MCOLN2: variants seen among roughly 807,000 people sequenced by gnomAD.
The protein encoded by MCOLN2 is mucolipin TRP cation channel 2.
MCOLN2 carries 57 observed loss-of-function variants against 67.5 expected under a neutral mutation model. The ratio of observed to expected loss-of-function variants is 0.84; its 90% CI spans 0.68 to 1.05. The LOEUF (loss-of-function observed/expected upper bound fraction) is 1.05, where lower values mean the gene tolerates loss of function less well. MCOLN2 is among the 50% of genes least tolerant of loss of function. The probability of loss-of-function intolerance (pLI) is 0.00; values close to 1 mark genes in which losing one functional copy is unlikely to be tolerated. For missense variants in MCOLN2, 620 were observed against 678.8 expected (o/e 0.91, Z 0.96); for synonymous variants, 246 against 233.3 (o/e 1.05, Z -0.50).
intron 11 of MCOLN2, among the ~76,000 whole-genome samples, chr1:84,933,065 C>T (rs1647251814): frequency 6.6e-6 from 1 of 152,208 alleles, no homozygotes; most frequent in South Asian, 2.1e-4. Flanking sequence ...CCCATCCCTA[C>T]ATTTTTCCCT....
chr1:84,969,532 C>T (rs1649556570), intron 1 of MCOLN2, among the ~76,000 whole-genome samples: 1 of 148,584 alleles, frequency 6.7e-6, no homozygotes, highest in Non-Finnish European at 1.5e-5. Context: ...TATGGCACCA[C>T]TGCACTCCAG....
In MCOLN2 at chr1:84,997,106, C is replaced by T. The variant is rs1651200705; in HGVS notation, c.-234G>A. ...CAGTTCTCGGGCGGCTGAAAGGCGGCTCTGTGTGCACCCTGCAGGATGCGG... is the reference window on the plus strand; with the variant it reads ...CAGTTCTCGGGCGGCTGAAAGGCGGTTCTGTGTGCACCCTGCAGGATGCGG... On this transcript the variant is annotated 5_prime_UTR_variant, in exon 1 of 14. Transcript: ENST00000370608. 3 of 560,962 alleles carry T rather than the reference C, an allele frequency of 5.3e-6. No individual in the cohort carries two copies. Among genetic ancestry groups the T allele is most frequent in the South Asian group, 2.1e-5 (1 of 46,732 alleles). The allele number at this position is 560,962 out of a possible 1,614,324, so 34.7% of individuals were successfully genotyped here. A position where few individuals can be genotyped will look rare whatever the true frequency, so the allele number is the denominator to read the frequency against.
intron 6 of MCOLN2, among the ~76,000 whole-genome samples, chr1:84,949,626 C>G (rs1395098379): frequency 1.3e-5 from 2 of 152,074 alleles, no homozygotes; most frequent in Non-Finnish European, 2.9e-5. Context: ...GCCTGGGCAA[C>G]AGAGCAAGAC....
intron 1 of MCOLN2, among the ~76,000 whole-genome samples, chr1:84,966,716 C>A (rs75049473): frequency 0.014 from 2,164 of 152,212 alleles, 56 homozygotes; most frequent in African/African-American, 0.05. Context: ...TTTGCTTTTA[C>A]TATTTCAAGG....
At chr1:84,930,282 A>G (rs1661347165) in intron 12 of MCOLN2, among the ~76,000 whole-genome samples, 1 of 151,644 alleles carries the variant, frequency 6.6e-6, no homozygotes, top group East Asian at 1.9e-4. Flanking sequence ...AAAAAAAAAA[A>G]GTCTAAACTT....
intron 2 of MCOLN2, among the ~76,000 whole-genome samples, chr1:84,962,854 T>C (rs1359845202): frequency 2.0e-5 from 3 of 152,180 alleles, no homozygotes; most frequent in African/African-American, 4.8e-5. Flanking sequence ...TCTTGGGAAG[T>C]AGGGTTTTAT....
At chr1:84,965,090 C>T (rs1449516217) in intron 2 of MCOLN2, among the ~76,000 whole-genome samples, 2 of 152,152 alleles carry the variant, frequency 1.3e-5, no homozygotes, top group South Asian at 2.1e-4. Context: ...CGAACTTGAA[C>T]AAAAGGTCTA....
chr1:84,991,167 G>C (rs1408795292), intron 1 of MCOLN2, among the ~76,000 whole-genome samples: 1 of 152,014 alleles, frequency 6.6e-6, no homozygotes, highest in Non-Finnish European at 1.5e-5. Context: ...AAAGAGTCTG[G>C]TATGTATCAG....
chr1:84,979,354 A>T (rs1335415023), intron 1 of MCOLN2, among the ~76,000 whole-genome samples: 1 of 152,200 alleles, frequency 6.6e-6, no homozygotes, highest in Non-Finnish European at 1.5e-5. Flanking sequence ...CTGATATCAA[A>T]ACCAGACAAA....
At chr1:84,990,412 A>T (rs1484950313) in intron 1 of MCOLN2, among the ~76,000 whole-genome samples, 1 of 151,700 alleles carries the variant, frequency 6.6e-6, no homozygotes, top group Non-Finnish European at 1.5e-5. Flanking sequence ...CACATTGTGC[A>T]CATGTACCCT....
At chr1:84,995,027 A>C (rs2102898305) in intron 1 of MCOLN2, among the ~76,000 whole-genome samples, 1 of 152,288 alleles carries the variant, frequency 6.6e-6, no homozygotes, top group South Asian at 2.1e-4. Flanking sequence ...TGGGGAGAGG[A>C]AAAGAGATAG....
At chr1:84,935,152 T>G (rs58304778) in intron 11 of MCOLN2, among the ~76,000 whole-genome samples, 1 of 152,048 alleles carries the variant, frequency 6.6e-6, no homozygotes, top group East Asian at 1.9e-4. Context: ...TTGGATTAAT[T>G]TGGGGGAAAG....
rs370947349 is a variant in MCOLN2 at position 84,956,309 on chromosome 1, G to A, written c.565+122C>T. The stretch of plus-strand genomic sequence containing the variant: ...TCTGCAGGCCAGTGTTGGAGTGTCA[G>A]CCCCTAACAGGTTAGCTCTCACCAA... On this transcript the variant is annotated intron_variant, in intron 4 of 13. Transcript: ENST00000370608. 4.5e-5 allele frequency: 40 copies of A among 892,008 alleles called. No homozygotes were observed. The African/African-American group carries it at 5.1e-4, about 11-fold the overall frequency. The allele number at this position is 892,008 out of a possible 1,614,324, so 55.3% of individuals were successfully genotyped here.
chr1:84,959,187 A>T (rs2102848313), intron 2 of MCOLN2, among the ~76,000 whole-genome samples: 1 of 152,324 alleles, frequency 6.6e-6, no homozygotes, highest in East Asian at 1.9e-4. Flanking sequence ...TCCAGCTAGG[A>T]GGTAATAGTT....
chr1:84,948,770 T>C (rs1284594752), intron 6 of MCOLN2, among the ~76,000 whole-genome samples: 1 of 152,212 alleles, frequency 6.6e-6, no homozygotes, highest in Non-Finnish European at 1.5e-5. Context: ...TGGAGCTGAA[T>C]TATTCAATGA....
intron 3 of MCOLN2, among the ~76,000 whole-genome samples, chr1:84,957,395 C>T (rs994170074): frequency 3.3e-5 from 5 of 152,274 alleles, no homozygotes; most frequent in East Asian, 1.9e-4. Flanking sequence ...TTCATTAATA[C>T]GACTTTACTA....
chr1:84,990,838 G>A (rs571366956), intron 1 of MCOLN2, among the ~76,000 whole-genome samples: 124 of 152,106 alleles, frequency 8.2e-4, no homozygotes, highest in Non-Finnish European at 1.5e-3. Flanking sequence ...GGGGGGCTGA[G>A]GCAGGAGGAT....
intron 1 of MCOLN2, among the ~76,000 whole-genome samples, chr1:84,968,474 T>G (rs1343034077): frequency 2.0e-5 from 3 of 152,078 alleles, no homozygotes; most frequent in African/African-American, 7.3e-5. Context: ...ACTAAGCACA[T>G]GAGGAAACCA....
chr1:84,929,010 C>T (rs1392939975), intron 13 of MCOLN2, among the ~76,000 whole-genome samples: 2 of 152,144 alleles, frequency 1.3e-5, no homozygotes, highest in Non-Finnish European at 2.9e-5. Flanking sequence ...CCACAAATCA[C>T]TATGTAATAT....
Sources: allele counts gnomAD v4.1 joint callset (sites outside exome capture counted in the v4.1 genomes callset), GRCh38; gene constraint gnomAD v4.1.1; transcripts MANE v1.5; gene names NCBI Gene and HGNC (gene_info 2026-07-23, HGNC 2026-07-21).